The following MYH10 variants were observed in gnomAD, a reference collection of about 807,000 sequenced individuals.
The protein encoded by MYH10 is myosin heavy chain 10.
MYH10 carries 55 observed loss-of-function variants against 257.8 expected under a neutral mutation model. That is an observed-to-expected ratio of 0.21 (90% CI 0.17 to 0.27). The LOEUF (loss-of-function observed/expected upper bound fraction) is 0.27. Among genes scored for constraint, MYH10 ranks in the 10% least tolerant of loss-of-function variants. The pLI, the probability that MYH10 is intolerant of heterozygous loss-of-function variation, is 1.00. For synonymous variants in MYH10, 854 were observed against 921.7 expected (o/e 0.93, Z 1.33); for missense variants, 1,631 against 2,500.6 (o/e 0.65, Z 7.42).
At chr17:8,575,969 ATT>A (rs1469991926) in intron 6 of MYH10, among the ~76,000 whole-genome samples, 1 of 152,298 alleles carries the variant, frequency 6.6e-6, no homozygotes, top group East Asian at 1.9e-4. Context: ...CATTAAGAAA[ATT>A]GTAATTGATT....
At chr17:8,565,960 G>C (rs1433071601) in intron 7 of MYH10, among the ~76,000 whole-genome samples, 3 of 152,066 alleles carry the variant, frequency 2.0e-5, no homozygotes, top group East Asian at 1.9e-4. Context: ...TAATTTGAAG[G>C]AACGATCTAG....
intron 24 of MYH10, chr17:8,511,029 T>TAC (rs2081257632): frequency 8.8e-4 from 4 of 4,564 alleles, no homozygotes; most frequent in South Asian, 0.017. Context: ...TATATATATA[T>TAC]ATATATATAT....
At chr17:8,489,735 A>ACACACACACACACACACACC (rs1915461994) in intron 35 of MYH10, among the ~76,000 whole-genome samples, 1 of 130,424 alleles carries the variant, frequency 7.7e-6, no homozygotes, top group African/African-American at 2.7e-5. Context: ...ACACACACAC[A>ACACACACACACACACACACC]CACACACACA....
intron 42 of MYH10, 47 bp downstream of exon 42, chr17:8,476,829 A>G (rs1293659015): frequency 1.3e-6 from 2 of 1,578,532 alleles, no homozygotes; most frequent in South Asian, 2.2e-5. Flanking sequence ...GCCTAAGCTA[A>G]CCCACAAAGC....
At chr17:8,546,920 C>T (rs921828328) in intron 11 of MYH10, among the ~76,000 whole-genome samples, 2 of 152,098 alleles carry the variant, frequency 1.3e-5, no homozygotes, top group Admixed American at 6.5e-5. Flanking sequence ...TTTTTAGAGG[C>T]AGGTTCTCAC....
At chr17:8,591,455 GGT>G (rs1301041513) in intron 3 of MYH10, among the ~76,000 whole-genome samples, 2 of 152,062 alleles carry the variant, frequency 1.3e-5, no homozygotes, top group African/African-American at 4.8e-5. Context: ...CTTGCTGGCT[GGT>G]TCTTCACCTA....
At chr17:8,590,597 C>A (rs1235102565) in intron 3 of MYH10, among the ~76,000 whole-genome samples, 1 of 152,166 alleles carries the variant, frequency 6.6e-6, no homozygotes, top group African/African-American at 2.4e-5. Flanking sequence ...CAGGTGTGAG[C>A]CATGGCACCC....
At chr17:8,578,040 C>T (rs2083564907) in intron 4 of MYH10, among the ~76,000 whole-genome samples, 1 of 152,052 alleles carries the variant, frequency 6.6e-6, no homozygotes, top group Non-Finnish European at 1.5e-5. Flanking sequence ...TAATCTGAAG[C>T]AGCTGAAAGA....
At chr17:8,574,530 A>G (rs1481123221) in intron 6 of MYH10, among the ~76,000 whole-genome samples, 1 of 9,990 alleles carries the variant, frequency 1.0e-4, no homozygotes, top group African/African-American at 1.1e-4. Flanking sequence ...TATGTGAATT[A>G]TATCTCATTT....
chr17:8,625,360 T>C (rs768458590), intron 1 of MYH10, among the ~76,000 whole-genome samples: 11 of 152,224 alleles, frequency 7.2e-5, no homozygotes, highest in Non-Finnish European at 1.2e-4. Flanking sequence ...TCATCTTCTA[T>C]AGTAGCGGCT....
chr17:8,521,824 T>C (rs1349915034), intron 17 of MYH10, among the ~76,000 whole-genome samples: 1 of 152,202 alleles, frequency 6.6e-6, no homozygotes, highest in Non-Finnish European at 1.5e-5. Context: ...GAAGATTAGA[T>C]TACAGGAGTT....
At chr17:8,630,163 C>T (rs1052758615) in intron 1 of MYH10, among the ~76,000 whole-genome samples, 1 of 151,758 alleles carries the variant, frequency 6.6e-6, no homozygotes. Flanking sequence ...TTTCCAGCCC[C>T]GCTTAGAATC....
Position 8,504,668 on chromosome 17 carries a change from G to C in MYH10, c.3599+26C>G. On this transcript the variant is annotated intron_variant, in intron 28 of 42. Transcript: ENST00000360416. The surrounding 1 kb of genome is among the most constrained non-coding windows in gnomAD (Gnocchi z 5.6). ...CGGTGGAGAGGTCGGCAGGCGCCCG[G>C]GCCCTGCTTCCTCTCCCACACTCAC... is the stretch of plus-strand genomic sequence containing the variant. 1 of 1,603,542 alleles carries C rather than the reference G, an allele frequency of 6.2e-7. No individual in the cohort carries two copies. Among genetic ancestry groups the C allele is most frequent in the Non-Finnish European group, 8.5e-7 (1 of 1,172,520 alleles).
intron 23 of MYH10, 111 bp from the exon 24 acceptor site, chr17:8,512,768 T>C (rs2081342168): frequency 1.2e-6 from 1 of 801,958 alleles, no homozygotes. Context: ...GAGATAAAAA[T>C]ATATAACATC....
chr17:8,570,176 GTTTAT>G (rs1479384183), intron 6 of MYH10, among the ~76,000 whole-genome samples: 1 of 152,278 alleles, frequency 6.6e-6, no homozygotes, highest in East Asian at 1.9e-4. Context: ...ATTAATACTT[GTTTAT>G]TTTAACTCTG....
chr17:8,610,568 T>A (rs1038719037), intron 2 of MYH10, among the ~76,000 whole-genome samples: 1 of 152,164 alleles, frequency 6.6e-6, no homozygotes, highest in Non-Finnish European at 1.5e-5. Flanking sequence ...TGCAACAATG[T>A]TGGGAGGTGA....
At chr17:8,528,455 C>G (rs528497371) in intron 17 of MYH10, among the ~76,000 whole-genome samples, 82 of 152,294 alleles carry the variant, frequency 5.4e-4, no homozygotes, top group Admixed American at 5.3e-3. Flanking sequence ...ACTTATATGA[C>G]CTCCATATTT....
chr17:8,619,343 G>A (rs776525492), intron 2 of MYH10, among the ~76,000 whole-genome samples: 5 of 152,040 alleles, frequency 3.3e-5, no homozygotes, highest in Admixed American at 1.3e-4. Flanking sequence ...ATGATAAGGC[G>A]TCAGGAGTTT....
chr17:8,503,604 A>C (rs1049489627), intron 28 of MYH10, among the ~76,000 whole-genome samples: 13 of 152,184 alleles, frequency 8.5e-5, no homozygotes, highest in African/African-American at 2.9e-4. Context: ...CCAGGTTTCC[A>C]GCTGCTGGGT....
Sources: allele counts gnomAD v4.1 joint callset (sites outside exome capture counted in the v4.1 genomes callset), GRCh38; gene constraint gnomAD v4.1.1; non-coding constraint Gnocchi (gnomAD v3.1); transcripts MANE v1.5; gene names NCBI Gene and HGNC (gene_info 2026-07-23, HGNC 2026-07-21).